Variants in CUX1 observed in about 807,000 individuals in gnomAD.
CUX1 encodes cut like homeobox 1.
Under a neutral mutation model 158.8 loss-of-function variants are expected in CUX1, and 31 were observed. That is an observed-to-expected ratio of 0.20 (90% CI 0.15 to 0.26). CUX1 has a LOEUF of 0.26. Among genes scored for constraint, CUX1 ranks in the 10% least tolerant of loss-of-function variants. CUX1 has a pLI of 1.00. For missense variants in CUX1, 1,589 were observed against 2,014.6 expected (o/e 0.79, Z 4.04); for synonymous variants, 879 against 862.1 (o/e 1.02, Z -0.34).
chr7:102,034,145 C>CAAAAAAAAA lies in CUX1; in HGVS notation c.189+6014_189+6022dup, dbSNP rs10655613. Among the ~76,000 whole-genome samples the CAAAAAAAAA allele has an allele frequency of 5.8e-3, 281 of 48,588 alleles. 47 individuals carry two copies. Among genetic ancestry groups the CAAAAAAAAA allele is most frequent in the Non-Finnish European group, 7.0e-3 (207 of 29,642 alleles). The allele number at this position is 48,588 out of a possible 152,430, so 31.9% of individuals were successfully genotyped here. Reference sequence around the variant, plus strand: ...CAGGTGACAGAGCGAGACTCCATCTCAAAAAAAAAAAAAAAAAAAAAAGTC... The same window carrying CAAAAAAAAA: ...CAGGTGACAGAGCGAGACTCCATCTCAAAAAAAAAAAAAAAAAAAAAAAAAAAAAAAGTC... On this transcript the variant is annotated intron_variant, in intron 3 of 23. Transcript: ENST00000292535.
chr7:101,915,189 G>A (rs933885389), intron 1 of CUX1, among the ~76,000 whole-genome samples: 1 of 152,206 alleles, frequency 6.6e-6, no homozygotes, highest in Non-Finnish European at 1.5e-5. Flanking sequence ...GGCGACAGCA[G>A]TGTGTCCTTG....
Position 102,201,403 on chromosome 7 carries a change from T to C in CUX1, c.2106T>C (p.Ser702=), listed in dbSNP as rs1052982090. 61 of 1,613,874 alleles carry C rather than the reference T, an allele frequency of 3.8e-5. No individual in the cohort carries two copies. Among genetic ancestry groups the C allele is most frequent in the Non-Finnish European group, 5.0e-5 (59 of 1,180,014 alleles). ...QPSSASGSGN[S]DDAIRSILQQ... is the part of the protein sequence containing the mutation. ...CCTCCGCATCCGGCAGCGGGAACTC[T>C]GATGACGCCATCCGCTCCATCCTGC... The change falls in exon 18 of 24, where the codon TCT becomes TCC. Residue 702 remains serine, a synonymous_variant. Transcript: ENST00000292535. The surrounding 1 kb of genome is among the most constrained non-coding windows in gnomAD (Gnocchi z 5.0).
chr7:102,180,801 A>C (rs1001264521), intron 11 of CUX1, among the ~76,000 whole-genome samples: 2 of 151,802 alleles, frequency 1.3e-5, no homozygotes, highest in Non-Finnish European at 2.9e-5. Context: ...AGAACTGCCC[A>C]GCGCCGGGTC....
chr7:102,094,719 GA>G (rs1239645699), intron 4 of CUX1, among the ~76,000 whole-genome samples: 1 of 152,166 alleles, frequency 6.6e-6, no homozygotes, highest in Non-Finnish European at 1.5e-5. Context: ...TTTTATACGT[GA>G]TCAAAGGTTC....
chr7:102,016,339 A>T (rs1478564150), intron 2 of CUX1, among the ~76,000 whole-genome samples: 1 of 152,164 alleles, frequency 6.6e-6, no homozygotes, highest in Non-Finnish European at 1.5e-5. Context: ...GATTTGACTC[A>T]TGTCTCACCT....
intron 1 of CUX1, among the ~76,000 whole-genome samples, chr7:101,892,965 C>A (rs76089717): frequency 0.028 from 4,267 of 152,046 alleles, 102 homozygotes; most frequent in Middle Eastern, 0.048. Flanking sequence ...GGCATGTTTG[C>A]TAGTTTCTCT....
chr7:102,239,387 C>A lies in CUX1; in HGVS notation c.3690C>A (p.Thr1230=). The A allele has an allele frequency of 5.6e-6, 9 of 1,613,224 alleles. No individual in the cohort carries two copies. Among genetic ancestry groups the A allele is most frequent in the Non-Finnish European group, 6.8e-6 (8 of 1,179,894 alleles). The change falls in exon 23 of 24, where the codon ACC becomes ACA. Residue 1230 remains threonine (T), a synonymous_variant. Transcript: ENST00000292535. ...CCTGCGAACCGCCCTCTGTCGGCAC[C>A]GAGTACAGCCAGGGCGCCAGCCCCC... The part of the protein sequence containing the change: ...SQPCEPPSVG[T]EYSQGASPQP...
intron 11 of CUX1, among the ~76,000 whole-genome samples, chr7:102,183,324 ATTT>A (rs570303462): frequency 6.9e-6 from 1 of 145,032 alleles, no homozygotes; most frequent in Non-Finnish European, 1.5e-5. Context: ...CCATCTCTTA[ATTT>A]TTTTTTTTTT....
At chr7:102,197,373 T>C in intron 15 of CUX1, 68 bp downstream of exon 15, 10 of 1,464,614 alleles carry the variant, frequency 6.8e-6, no homozygotes, top group Non-Finnish European at 8.5e-6. Context: ...TGTGTGTGCA[T>C]GCGTGCGTGT....
At chr7:102,282,924 G>T (rs1792211934) in intron 22 of CUX1, 2 of 811,534 alleles carry the variant, frequency 2.5e-6, no homozygotes, top group African/African-American at 3.9e-5. Flanking sequence ...CCTACTCCCG[G>T]TATCCACTAC....
intron 4 of CUX1, among the ~76,000 whole-genome samples, chr7:102,093,014 G>C (rs558940230): frequency 1.3e-5 from 2 of 151,548 alleles, no homozygotes; most frequent in Non-Finnish European, 2.9e-5. Flanking sequence ...CCTGCCTTGC[G>C]TTTGTCATTT....
At position 102,249,893 on chromosome 7, in the gene CUX1, A is replaced by G; in HGVS notation, c.*851A>G. On this transcript the variant is annotated 3_prime_UTR_variant, in exon 24 of 24. Transcript: ENST00000292535. ...AACAAAAAGAAAACGTCACATCAGG[A>G]AACTCTGATTTTGTGGTAGCTGACA... 2 of 985,796 alleles carry G rather than the reference A, an allele frequency of 2.0e-6. No individual in the cohort carries two copies. Among genetic ancestry groups the G allele is most frequent in the Non-Finnish European group, 2.4e-6 (2 of 829,912 alleles). 61.1% of individuals were successfully genotyped at this position (985,796 alleles called of 1,614,324 possible). A position where few individuals can be genotyped will look rare whatever the true frequency, so the allele number is the denominator to read the frequency against.
chr7:101,901,051 A>G (rs781077497), intron 1 of CUX1, among the ~76,000 whole-genome samples: 1 of 152,124 alleles, frequency 6.6e-6, no homozygotes, highest in Non-Finnish European at 1.5e-5. Flanking sequence ...GGTAGGTGGT[A>G]TATTTTACCA....
At chr7:101,940,836 A>G (rs1298425828) in intron 2 of CUX1, among the ~76,000 whole-genome samples, 2 of 152,134 alleles carry the variant, frequency 1.3e-5, no homozygotes, top group Non-Finnish European at 2.9e-5. Flanking sequence ...GATGCCTCAC[A>G]GTGGGAATGC....
At chr7:102,111,542 C>A (rs1276666389) in intron 6 of CUX1, among the ~76,000 whole-genome samples, 156 bp from the exon 7 acceptor site, 2 of 152,202 alleles carry the variant, frequency 1.3e-5, no homozygotes, top group Non-Finnish European at 2.9e-5. Flanking sequence ...GCTGCGGGAG[C>A]GGGGCCCACG....
intron 1 of CUX1, among the ~76,000 whole-genome samples, chr7:101,819,810 C>G (rs1345511012): frequency 6.6e-6 from 1 of 152,150 alleles, no homozygotes; most frequent in Non-Finnish European, 1.5e-5. Context: ...GCAACAACTC[C>G]TGGTACAGTT....
At chr7:101,821,425 G>A (rs770858102) in intron 1 of CUX1, among the ~76,000 whole-genome samples, 8 of 150,282 alleles carry the variant, frequency 5.3e-5, no homozygotes, top group South Asian at 2.1e-4. Context: ...TGCAAACTCC[G>A]CCTCCCGGGT....
chr7:102,195,704 C>A, intron 14 of CUX1, 101 bp downstream of exon 14: 1 of 1,051,854 alleles, frequency 9.5e-7, no homozygotes, highest in Non-Finnish European at 1.4e-6. Flanking sequence ...GATGCATGGC[C>A]AGAGAAGCGC....
At chr7:101,875,728 G>C (rs1055436793) in intron 1 of CUX1, among the ~76,000 whole-genome samples, 2 of 152,144 alleles carry the variant, frequency 1.3e-5, no homozygotes, top group Admixed American at 1.3e-4. Flanking sequence ...TGCCCCTTCC[G>C]GGAGCTCTGC....
Sources: gnomAD v4.1 joint callset for allele counts (sites outside exome capture counted in the v4.1 genomes callset) on GRCh38, gnomAD v4.1.1 for gene constraint, Gnocchi (gnomAD v3.1) non-coding constraint, MANE v1.5 for transcripts, NCBI Gene and HGNC (gene_info 2026-07-23, HGNC 2026-07-21) for gene names.